THSD7B: variants seen among roughly 807,000 people sequenced by gnomAD.
THSD7B encodes the protein thrombospondin type-1 domain-containing protein 7B.
In THSD7B, 138 loss-of-function variants were observed where a neutral mutation model predicts 213.6. The ratio of observed to expected loss-of-function variants is 0.65; its 90% CI spans 0.56 to 0.74. THSD7B has a LOEUF of 0.74. THSD7B is among the 30% of genes least tolerant of loss of function. The pLI is 0.00. For missense variants in THSD7B, 1,931 were observed against 1,991.5 expected (o/e 0.97, Z 0.58); for synonymous variants, 742 against 687.0 (o/e 1.08, Z -1.25).
Position 137,170,729 on chromosome 2 carries a change from C to G in THSD7B, c.1526-12C>G, listed in dbSNP as rs1680229436. The G allele has an allele frequency of 6.3e-7, 1 of 1,599,728 alleles. No individual in the cohort carries two copies. Among genetic ancestry groups the G allele is most frequent in the Non-Finnish European group, 8.5e-7 (1 of 1,171,592 alleles). On this transcript the variant is annotated splice_polypyrimidine_tract_variant and intron_variant, in intron 6 of 27. Coordinates refer to ENST00000409968, the MANE Select transcript of THSD7B (RefSeq NM_001316349.2). ...TGGAATTCTCTGAAAATTCTTTTCTCTCTCTTTTTAGGATTTAGAACGAGG... is the reference window on the plus strand; with the variant it reads ...TGGAATTCTCTGAAAATTCTTTTCTGTCTCTTTTTAGGATTTAGAACGAGG...
intron 1 of THSD7B, among the ~76,000 whole-genome samples, chr2:136,815,337 G>C (rs953401566): frequency 1.3e-5 from 2 of 152,128 alleles, no homozygotes; most frequent in Non-Finnish European, 1.5e-5. Context: ...AGTTCCAAAA[G>C]ATCCCTCTCA....
intron 6 of THSD7B, among the ~76,000 whole-genome samples, chr2:137,164,680 C>T (rs1010374600): frequency 1.3e-5 from 2 of 152,160 alleles, no homozygotes; most frequent in African/African-American, 4.8e-5. Context: ...CACATATACA[C>T]CATAGAATAC....
chr2:136,798,548 T>A (rs1165292026), intron 1 of THSD7B, among the ~76,000 whole-genome samples: 1 of 151,984 alleles, frequency 6.6e-6, no homozygotes, highest in Non-Finnish European at 1.5e-5. Flanking sequence ...CCCTATCTGC[T>A]TCCCTGTCTT....
At chr2:137,262,796 T>C (rs1682482877) in intron 10 of THSD7B, among the ~76,000 whole-genome samples, 1 of 152,184 alleles carries the variant, frequency 6.6e-6, no homozygotes, top group Admixed American at 6.5e-5. Context: ...TTTTAAAACA[T>C]GCTAATACTT....
In THSD7B at chr2:137,663,063, T is replaced by TA. The variant is rs60772441; in HGVS notation, c.4459-305dup. Among the ~76,000 whole-genome samples the TA allele has an allele frequency of 6.5e-3, 802 of 122,606 alleles. 3 individuals are homozygous for TA. The highest frequency in any genetic ancestry group is 0.029 in the South Asian group (116 of 3,948). 80.4% of individuals were successfully genotyped at this position (122,606 alleles called of 152,430 possible). A position where few individuals can be genotyped will look rare whatever the true frequency, so the allele number is the denominator to read the frequency against. On this transcript the variant is annotated intron_variant, in intron 25 of 27. Coordinates refer to ENST00000409968, the MANE Select transcript of THSD7B (RefSeq NM_001316349.2). ...ATCAGCAACAGAGTGAAACTCCATC[T>TA]AAAAAAAAAAAAAAAGACAAAAAGA...
At chr2:136,908,453 A>G (rs1684204744) in intron 2 of THSD7B, among the ~76,000 whole-genome samples, 1 of 152,224 alleles carries the variant, frequency 6.6e-6, no homozygotes, top group African/African-American at 2.4e-5. Flanking sequence ...AATATAATTG[A>G]TAATAGACTT....
intron 10 of THSD7B, among the ~76,000 whole-genome samples, chr2:137,268,378 C>G (rs890791591): frequency 6.6e-6 from 1 of 151,314 alleles, no homozygotes; most frequent in South Asian, 2.1e-4. Context: ...TGTTCAATTC[C>G]CACCTATGAG....
intron 15 of THSD7B, among the ~76,000 whole-genome samples, chr2:137,480,121 C>T (rs1362023659): frequency 6.6e-6 from 1 of 152,170 alleles, no homozygotes; most frequent in Non-Finnish European, 1.5e-5. Context: ...TCTGTCATTT[C>T]TCTCTTGAAT....
intron 2 of THSD7B, among the ~76,000 whole-genome samples, chr2:136,969,701 G>T (rs1219432875): frequency 6.6e-6 from 1 of 152,166 alleles, no homozygotes; most frequent in Non-Finnish European, 1.5e-5. Context: ...TTAGGCAGGA[G>T]ATAGAAGATT....
intron 2 of THSD7B, among the ~76,000 whole-genome samples, chr2:136,939,122 G>A (rs540931839): frequency 6.6e-6 from 1 of 152,204 alleles, no homozygotes; most frequent in African/African-American, 2.4e-5. Flanking sequence ...TAATAAGAAC[G>A]ACTTTTCCAT....
chr2:137,078,730 G>A (rs1283197758), intron 3 of THSD7B, among the ~76,000 whole-genome samples: 2 of 151,876 alleles, frequency 1.3e-5, no homozygotes, highest in South Asian at 4.1e-4. Flanking sequence ...TGACATATGT[G>A]TTTAGGACTA....
rs1164919969 is a variant in THSD7B, at chr2:137,356,668, G to A, written c.2501-48945G>A. On this transcript the variant is annotated intron_variant, in intron 12 of 27. Transcript: ENST00000409968. ...TCTTGGGAGGCTGACCCCACCTTAT[G>A]AGGGGCTGTCTCGACTCCTCCAGTG... Among the ~76,000 whole-genome samples the A allele has an allele frequency of 4.6e-5, 7 of 152,134 alleles. No homozygotes were observed. The South Asian group carries it at 1.4e-3, about 31-fold the overall frequency.
At chr2:137,240,760 T>C (rs2033627) in intron 9 of THSD7B, among the ~76,000 whole-genome samples, 146,462 of 152,274 alleles carry the variant, frequency 0.96, 70,468 homozygotes, top group East Asian at 1. Flanking sequence ...AGCAATACTC[T>C]TGCCTCGGCC....
In THSD7B at chr2:137,617,939, T is replaced by C. The variant is rs190288187; in HGVS notation, c.3566-453T>C. Among the ~76,000 whole-genome samples the C allele has an allele frequency of 6.3e-4, 96 of 152,258 alleles. 1 individual carries two copies. Among genetic ancestry groups the C allele is most frequent in the African/African-American group, 2.2e-3 (93 of 41,566 alleles). ...TCTAATTACCCCCAAATGTTCTCCC[T>C]CAAAATACCATCACCTAGAGGGTTA... On this transcript the variant is annotated intron_variant, in intron 18 of 27. Transcript: ENST00000409968.
chr2:137,429,656 A>T (rs1219049776), intron 14 of THSD7B, among the ~76,000 whole-genome samples: 1 of 152,226 alleles, frequency 6.6e-6, no homozygotes, highest in Admixed American at 6.5e-5. Context: ...TAGGTTTTAT[A>T]AACAGCGTCT....
At chr2:136,935,992 T>C (rs1236177422) in intron 2 of THSD7B, among the ~76,000 whole-genome samples, 1 of 148,216 alleles carries the variant, frequency 6.7e-6, no homozygotes, top group Non-Finnish European at 1.5e-5. Flanking sequence ...ATATTTTAAA[T>C]TTAGAAATAT....
chr2:137,484,517 G>T, intron 15 of THSD7B, among the ~76,000 whole-genome samples: 1 of 84,966 alleles, frequency 1.2e-5, no homozygotes, highest in African/African-American at 4.8e-5. Flanking sequence ...ATGATTTATA[G>T]TCCTTTGGGT....
intron 3 of THSD7B, among the ~76,000 whole-genome samples, chr2:137,082,446 C>T (rs1220947928): frequency 6.6e-6 from 1 of 152,074 alleles, no homozygotes; most frequent in Non-Finnish European, 1.5e-5. Flanking sequence ...TTGTTTTGCA[C>T]ACCTGGAAGT....
chr2:137,203,666 T>C (rs1458303803), intron 7 of THSD7B, among the ~76,000 whole-genome samples: 1 of 152,050 alleles, frequency 6.6e-6, no homozygotes, highest in Non-Finnish European at 1.5e-5. Flanking sequence ...GAGATAGTTA[T>C]AGTGACATTG....
Sources: allele counts gnomAD v4.1 joint callset (sites outside exome capture counted in the v4.1 genomes callset), GRCh38; gene constraint gnomAD v4.1.1; transcripts MANE v1.5; gene names NCBI Gene and HGNC (gene_info 2026-07-23, HGNC 2026-07-21).